DMTF1: variants seen among roughly 807,000 people sequenced by gnomAD.
DMTF1 encodes cyclin D binding myb like transcription factor 1.
In DMTF1, 39 loss-of-function variants were observed where a neutral mutation model predicts 91.1. That is an observed-to-expected ratio of 0.43 (90% CI 0.33 to 0.56). The LOEUF (loss-of-function observed/expected upper bound fraction) is 0.56. Among genes scored for constraint, DMTF1 ranks in the 20% least tolerant of loss-of-function variants. The probability of loss-of-function intolerance (pLI) is 0.05; values close to 1 mark genes in which losing one functional copy is unlikely to be tolerated. For missense variants in DMTF1, 750 were observed against 914.5 expected, an observed-to-expected ratio of 0.82 and a Z score of 2.32; for synonymous variants, 338 against 309.5, an observed-to-expected ratio of 1.09 and a Z score of -0.97.
chr7:87,188,094 TTAATAAA>T lies in DMTF1; in HGVS notation c.1205_1211del (p.Leu402Ter). On this transcript the variant is annotated frameshift_variant, in exon 13 of 18. Transcript: ENST00000331242. LOFTEE classifies it high-confidence loss of function. The stretch of plus-strand genomic sequence containing the variant: ...TTTGTCTACCCATCTCCCTTCAGTC[TTAATAAA>T]AGGTCTTAAACAGTTACATGAGAAC... 1 of 1,613,216 alleles carries T rather than the reference TTAATAAA, an allele frequency of 6.2e-7. No individual in the cohort carries two copies. Among genetic ancestry groups the T allele is most frequent in the Non-Finnish European group, 8.5e-7 (1 of 1,179,336 alleles).
At chr7:87,191,284 CA>C (rs1339911635) in intron 14 of DMTF1, among the ~76,000 whole-genome samples, 1 of 151,870 alleles carries the variant, frequency 6.6e-6, no homozygotes, top group Non-Finnish European at 1.5e-5. Context: ...AATTTATAAC[CA>C]AAAAGTTCAT....
intron 15 of DMTF1, 69 bp from the exon 16 acceptor site, chr7:87,193,656 G>GA (rs1800458733): frequency 1.6e-5 from 22 of 1,363,614 alleles, no homozygotes; most frequent in East Asian, 2.3e-5. Context: ...GATGTGGGGG[G>GA]AGACAGTGAG....
chr7:87,184,503 G>C lies in DMTF1; in HGVS notation c.927G>C (p.Val309=), dbSNP rs1798006110. ...IVTQGVSWAA[V]AERVGTRSEK... is the part of the protein sequence containing the mutation. Reference sequence around the variant, plus strand: ...CACAGGGTGTGTCTTGGGCAGCTGTGGCTGAACGAGTCGGTACCCGCTCAG... The same window carrying C: ...CACAGGGTGTGTCTTGGGCAGCTGTCGCTGAACGAGTCGGTACCCGCTCAG... The change falls in exon 11 of 18, where the codon GTG becomes GTC. Residue 309 remains valine, a synonymous_variant. Coordinates refer to ENST00000331242, the MANE Select transcript of DMTF1 (RefSeq NM_001142327.2). 6.2e-7 allele frequency: 1 copy of C among 1,613,878 alleles called. No individual in the cohort carries two copies. Among genetic ancestry groups the C allele is most frequent in the Admixed American group, 1.7e-5 (1 of 59,958 alleles).
In DMTF1 at chr7:87,191,004, C is replaced by T. The variant is rs764634233; in HGVS notation, c.1471C>T (p.Leu491=). 2 of 1,607,294 alleles carry T rather than the reference C, an allele frequency of 1.2e-6. No homozygotes were observed. Among genetic ancestry groups the T allele is most frequent in the Admixed American group, 1.7e-5 (1 of 59,280 alleles). ...SETITLNSGT[L]QTFEILPSFH... is the part of the protein sequence containing the mutation. ...AACAATAACACTAAACAGTGGAACA[C>T]TACAGACATTTGAGATTCTTCCCGT... The change falls in exon 14 of 18, where the codon CTA becomes TTA. Residue 491 remains leucine (L), a synonymous_variant. Coordinates refer to ENST00000331242, the MANE Select transcript of DMTF1 (RefSeq NM_001142327.2).
At chr7:87,181,369 TC>T in intron 9 of DMTF1, 28 bp downstream of exon 9, 1 of 1,134,928 alleles carries the variant, frequency 8.8e-7, no homozygotes, top group Non-Finnish European at 1.3e-6. Context: ...TTTCATTAAT[TC>T]TAATTTTTTA....
Position 87,195,162 on chromosome 7 carries a change from G to T in DMTF1, c.*22G>T. ...TTAGAATAATTCTTAGAAATAGGCA[G>T]TTCAAGCAAAGAAGGCACACTGTTA... On this transcript the variant is annotated 3_prime_UTR_variant, in exon 18 of 18. Transcript: ENST00000331242. The T allele has an allele frequency of 1.3e-6, 2 of 1,543,892 alleles. No individual in the cohort carries two copies. The highest frequency in any genetic ancestry group is 2.7e-5 in the African/African-American group (2 of 73,332).
chr7:87,188,053 G>A, intron 12 of DMTF1, 39 bp from the exon 13 acceptor site: 1 of 1,562,330 alleles, frequency 6.4e-7, no homozygotes, highest in African/African-American at 1.4e-5. Flanking sequence ...TGGTCTGTCG[G>A]AGAATCAATG....
At chr7:87,179,447 G>T in intron 7 of DMTF1, 98 bp from the exon 8 acceptor site, 4 of 1,008,370 alleles carry the variant, frequency 4.0e-6, no homozygotes, top group Non-Finnish European at 5.2e-6. Context: ...TCTAAATGCC[G>T]TTGATGACCT....
chr7:87,184,833 C>A lies in DMTF1; in HGVS notation c.1049+208C>A, dbSNP rs1446218124. ...TTTTTTTTTTAGTGGGTTTAGTGCT[C>A]ATGCAAAGTACCAGATTGAAGGCGT... On this transcript the variant is annotated intron_variant, in intron 11 of 17. Coordinates refer to ENST00000331242, the MANE Select transcript of DMTF1 (RefSeq NM_001142327.2). The A allele has an allele frequency of 6.0e-6, 4 of 666,210 alleles. No homozygotes were observed. In the Admixed American group the frequency reaches 8.2e-5, roughly 14 times the overall value. 41.3% of individuals were successfully genotyped at this position (666,210 alleles called of 1,614,324 possible).
At chr7:87,192,996 T>C in intron 14 of DMTF1, 1 of 566,640 alleles carries the variant, frequency 1.8e-6, no homozygotes, top group Middle Eastern at 4.7e-4. Context: ...GACCAGACCA[T>C]AGAAATACAC....
At chr7:87,192,004 G>T (rs55908081) in intron 14 of DMTF1, among the ~76,000 whole-genome samples, 3,958 of 152,142 alleles carry the variant, frequency 0.026, 78 homozygotes, top group East Asian at 0.065. Flanking sequence ...ACCTAAGTCA[G>T]TCTCCTAATC....
At chr7:87,153,778 T>A (rs1160399140) in intron 1 of DMTF1, among the ~76,000 whole-genome samples, 1 of 152,252 alleles carries the variant, frequency 6.6e-6, no homozygotes, top group Admixed American at 6.5e-5. Flanking sequence ...TGGAAAATTT[T>A]AAATTATACC....
At chr7:87,184,782 T>A in intron 11 of DMTF1, 157 bp downstream of exon 11, 2 of 743,130 alleles carry the variant, frequency 2.7e-6, no homozygotes, top group Non-Finnish European at 4.7e-6. Context: ...CATATTGAGC[T>A]CTTTTTTTGT....
chr7:87,163,507 A>G lies in DMTF1; in HGVS notation c.-119A>G, dbSNP rs1793037049. The G allele has an allele frequency of 6.6e-6, 1 of 152,192 alleles. No homozygotes were observed. Among genetic ancestry groups the G allele is most frequent in the African/African-American group, 2.4e-5 (1 of 41,420 alleles). The allele number at this position is 152,192 out of a possible 1,614,324, so 9.4% of individuals were successfully genotyped here. A position where few individuals can be genotyped will look rare whatever the true frequency, so the allele number is the denominator to read the frequency against. On this transcript the variant is annotated 5_prime_UTR_variant, in exon 2 of 18. Coordinates refer to ENST00000331242, the MANE Select transcript of DMTF1 (RefSeq NM_001142327.2). ...GTTACTTTTTCAGAGTGTTGCGGAG[A>G]TAGGAACATGGGAGAGAAACAATCT... is the stretch of plus-strand genomic sequence containing the variant.
chr7:87,182,023 G>A (rs1432201959), intron 9 of DMTF1: 1 of 1,527,474 alleles, frequency 6.5e-7, no homozygotes, highest in Non-Finnish European at 8.7e-7. Flanking sequence ...CCAGGAAAAA[G>A]GCAATTGCTG....
chr7:87,181,195 A>G, intron 8 of DMTF1, 114 bp from the exon 9 acceptor site: 5 of 578,230 alleles, frequency 8.6e-6, no homozygotes, highest in South Asian at 1.8e-5. Flanking sequence ...CTTTAAAAGT[A>G]TTATATGCTA....
At chr7:87,193,658 GAC>G in intron 15 of DMTF1, 65 bp from the exon 16 acceptor site, 1 of 1,363,126 alleles carries the variant, frequency 7.3e-7, no homozygotes. Flanking sequence ...TGTGGGGGGA[GAC>G]AGTGAGGTAC....
At chr7:87,158,787 G>T (rs1791457998) in intron 1 of DMTF1, among the ~76,000 whole-genome samples, 2 of 151,864 alleles carry the variant, frequency 1.3e-5, no homozygotes, top group Non-Finnish European at 2.9e-5. Flanking sequence ...CATTTATAGG[G>T]TATAAAACTT....
intron 1 of DMTF1, among the ~76,000 whole-genome samples, chr7:87,153,341 T>C (rs1362231608): frequency 6.6e-6 from 1 of 152,248 alleles, no homozygotes; most frequent in East Asian, 1.9e-4. Flanking sequence ...TCCGAGAAAG[T>C]TCTTAAAATT....
Sources: gnomAD v4.1 joint callset for allele counts (sites outside exome capture counted in the v4.1 genomes callset) on GRCh38, gnomAD v4.1.1 for gene constraint, MANE v1.5 for transcripts, NCBI Gene and HGNC (gene_info 2026-07-23, HGNC 2026-07-21) for gene names.